FAHD2B: variants seen among roughly 807,000 people sequenced by gnomAD.
FAHD2B encodes fumarylacetoacetate hydrolase domain containing 2B.
FAHD2B carries 26 observed loss-of-function variants against 33.7 expected under a neutral mutation model. That is an observed-to-expected ratio of 0.77 (90% CI 0.57 to 1.07). The LOEUF is 1.07. FAHD2B is among the 50% of genes least tolerant of loss of function. The pLI is 0.00. For synonymous variants in FAHD2B, 108 were observed against 150.9 expected, an observed-to-expected ratio of 0.72 and a Z score of 2.08; for missense variants, 272 against 388.1, an observed-to-expected ratio of 0.70 and a Z score of 2.51.
chr2:97,081,070 T>C, downstream of FAHD2B: 2 of 1,508,272 alleles, frequency 1.3e-6, no homozygotes, highest in Admixed American at 2.2e-5. Context: ...AGGGAACGGC[T>C]CCTTCCTCAT....
At chr2:97,092,447 A>G (rs1233814417) in intron 1 of FAHD2B, among the ~76,000 whole-genome samples, 1 of 152,134 alleles carries the variant, frequency 6.6e-6, no homozygotes, top group Non-Finnish European at 1.5e-5. Context: ...AGCAAGGTCT[A>G]GGCCTGACAG....
downstream of FAHD2B, chr2:97,081,999 A>T (rs2031661263): frequency 3.3e-6 from 5 of 1,513,798 alleles, no homozygotes; most frequent in Middle Eastern, 5.1e-4. Context: ...GGGTCCGGCC[A>T]GCCTGTGACA....
At chr2:97,086,306 C>G in intron 4 of FAHD2B, 108 bp from the exon 5 acceptor site, 1 of 1,471,576 alleles carries the variant, frequency 6.8e-7, no homozygotes, top group South Asian at 1.3e-5. Flanking sequence ...GCTGCCATCC[C>G]ACGTTTGCCA....
chr2:97,087,484 G>A (rs914180010), intron 4 of FAHD2B, among the ~76,000 whole-genome samples: 1 of 152,020 alleles, frequency 6.6e-6, no homozygotes, highest in African/African-American at 2.4e-5. Flanking sequence ...GATCACCTGA[G>A]GTGAGGAGTT....
At chr2:97,081,301 T>C, downstream of FAHD2B, 2 of 1,491,734 alleles carry the variant, frequency 1.3e-6, no homozygotes, top group East Asian at 4.7e-5. Flanking sequence ...CTCTTGGTGG[T>C]AGGAATGGCC....
At chr2:97,083,187 A>G (rs2924046), downstream of FAHD2B, 11 of 1,606,064 alleles carry the variant, frequency 6.8e-6, no homozygotes, top group East Asian at 2.2e-5. Flanking sequence ...GGCTCCACCT[A>G]TCCCCTACTT....
intron 6 of FAHD2B, among the ~76,000 whole-genome samples, 172 bp from the exon 7 acceptor site, chr2:97,084,449 C>T (rs2031828017): frequency 6.6e-6 from 1 of 151,982 alleles, no homozygotes; most frequent in Non-Finnish European, 1.5e-5. Context: ...CACTGGCCTT[C>T]TCAGGCCTCC....
At chr2:97,083,388 T>C, downstream of FAHD2B, 1 of 1,470,368 alleles carries the variant, frequency 6.8e-7, no homozygotes, top group Non-Finnish European at 9.0e-7. Context: ...GGCTTGATTG[T>C]CCCTTGCCAT....
At chr2:97,091,805 TG>T in intron 2 of FAHD2B, 57 bp downstream of exon 2, 1 of 1,513,488 alleles carries the variant, frequency 6.6e-7, no homozygotes, top group Non-Finnish European at 8.9e-7. Context: ...CAAGGCCCTT[TG>T]CCCCATCAAC....
At chr2:97,078,802 G>T (rs1230281364), downstream of FAHD2B, among the ~76,000 whole-genome samples, 1 of 151,932 alleles carries the variant, frequency 6.6e-6, no homozygotes, top group Non-Finnish European at 1.5e-5. Context: ...AGGATGTGCA[G>T]GTTTGTTACA....
chr2:97,082,826 C>T (rs2031700498), downstream of FAHD2B: 1 of 1,067,442 alleles, frequency 9.4e-7, no homozygotes, highest in Admixed American at 1.7e-5. Context: ...CTCAGGGAAA[C>T]CCAGCTATGT....
At position 97,090,305 on chromosome 2, in the gene FAHD2B, G is replaced by C. The variant is rs749142803; in HGVS notation, c.266C>G (p.Pro89Arg). The change falls in exon 4 of 9, where the codon CCA (proline) becomes CGA (arginine). Residue 89 changes from proline (P) to arginine (R), a missense_variant. Pro to Arg is a moderately radical substitution (Grantham distance 103). Transcript: ENST00000414820. The part of the protein sequence containing the change: ...VARRALAAQL[P>R]VLPWSEVTFL... Reference sequence around the variant, plus strand: ...GGTTACCTCCGACCATGGTAGGACTGGCAACTGGGCAGCCAAGGCTCTGTA... The same window carrying C: ...GGTTACCTCCGACCATGGTAGGACTCGCAACTGGGCAGCCAAGGCTCTGTA... 6.2e-7 allele frequency: 1 copy of C among 1,612,564 alleles called. No homozygotes were observed. Among genetic ancestry groups the C allele is most frequent in the African/African-American group, 1.3e-5 (1 of 74,906 alleles).
downstream of FAHD2B, chr2:97,082,503 T>C: frequency 3.7e-6 from 6 of 1,609,728 alleles, 1 homozygote; most frequent in African/African-American, 4.0e-5. Flanking sequence ...CTGCAGGCAG[T>C]GGTGTTTGCT....
chr2:97,092,586 AG>A (rs1185425994), intron 1 of FAHD2B, among the ~76,000 whole-genome samples: 1 of 152,150 alleles, frequency 6.6e-6, no homozygotes. Flanking sequence ...TGACAGAAGC[AG>A]GGGCTTGACA....
Position 97,086,273 on chromosome 2 carries a change from T to C in FAHD2B, c.463-75A>G, listed in dbSNP as rs987602088. The C allele has an allele frequency of 3.2e-6, 5 of 1,569,092 alleles. No individual in the cohort carries two copies. In the African/African-American group the frequency reaches 5.4e-5, roughly 17 times the overall value. ...ATCTATGCTCAGAGGCTGTACGCCA[T>C]GGATCTCTGTCAGTATGGCTTGGCT... On this transcript the variant is annotated intron_variant, in intron 4 of 8. Transcript: ENST00000414820.
chr2:97,083,483 G>A (rs1481488898), downstream of FAHD2B: 34 of 981,034 alleles, frequency 3.5e-5, 1 homozygote, highest in South Asian at 1.3e-4. Flanking sequence ...TCTTTTTGGC[G>A]TATGTGTGTG....
intron 7 of FAHD2B, 55 bp from the exon 8 acceptor site, chr2:97,084,090 C>G (rs867487547): frequency 1.2e-6 from 2 of 1,613,230 alleles, no homozygotes; most frequent in Middle Eastern, 3.3e-4. Context: ...GTGGCCACAG[C>G]CAAAGGTGGA....
intron 4 of FAHD2B, 78 bp from the exon 5 acceptor site, chr2:97,086,276 ATC>A (rs911675977): frequency 3.2e-6 from 5 of 1,564,732 alleles, no homozygotes; most frequent in Non-Finnish European, 3.5e-6. Flanking sequence ...TACGCCATGG[ATC>A]TCTGTCAGTA....
At chr2:97,083,576 G>C (rs2031745684), downstream of FAHD2B, 1 of 1,120,076 alleles carries the variant, frequency 8.9e-7, no homozygotes, top group Admixed American at 2.7e-5. Context: ...AACAGCACAA[G>C]CCAAGCTGCT....
Sources: gnomAD v4.1 joint callset for allele counts (sites outside exome capture counted in the v4.1 genomes callset) on GRCh38, gnomAD v4.1.1 for gene constraint, MANE v1.5 for transcripts, NCBI Gene and HGNC (gene_info 2026-07-23, HGNC 2026-07-21) for gene names.